The following HTT-AS variants were observed in gnomAD, a reference collection of about 807,000 sequenced individuals.
The protein encoded by HTT-AS is HTT antisense RNA.
intron 2 of HTT-AS, among the ~76,000 whole-genome samples, chr4:3,060,811 A>T (rs752385915): frequency 6.6e-6 from 1 of 152,212 alleles, no homozygotes. Flanking sequence ...CCCCGAGTAG[A>T]GACCAATTTG....
At chr4:3,059,659 G>T (rs967180791) in intron 2 of HTT-AS, among the ~76,000 whole-genome samples, 8 of 149,146 alleles carry the variant, frequency 5.4e-5, no homozygotes, top group African/African-American at 2.0e-4. Context: ...GCCTGATCCC[G>T]GCCCACTGCA....
chr4:3,069,542 A>G (rs61791258), intron 1 of HTT-AS, among the ~76,000 whole-genome samples: 14,130 of 152,204 alleles, frequency 0.093, 1,048 homozygotes, highest in African/African-American at 0.21. Flanking sequence ...TAGGATATAC[A>G]GAAAGACTGA....
At chr4:3,048,604 A>G (rs781602089), downstream of HTT-AS, among the ~76,000 whole-genome samples, 1 of 152,088 alleles carries the variant, frequency 6.6e-6, no homozygotes, top group African/African-American at 2.4e-5. Context: ...ATCTCCCACA[A>G]CTGAATCTCT....
chr4:3,070,291 G>T (rs934192808), intron 1 of HTT-AS: 1 of 145,178 alleles, frequency 6.9e-6, no homozygotes, highest in African/African-American at 2.7e-5. Context: ...TTTCTCTCTC[G>T]CTCTTTTTTT....
intron 1 of HTT-AS, among the ~76,000 whole-genome samples, chr4:3,073,487 C>T (rs1712247750): frequency 6.6e-6 from 1 of 152,250 alleles, no homozygotes; most frequent in African/African-American, 2.4e-5. Flanking sequence ...AAGGTCAGAG[C>T]AGGGGTGCAC....
rs931178898 is a variant in HTT-AS at position 3,061,530 on chromosome 4, A to C, written n.1380+904T>G. On this transcript the variant is annotated intron_variant and non_coding_transcript_variant, in intron 2 of 2. Transcript: ENST00000664062. The stretch of plus-strand genomic sequence containing the variant: ...ACCCTGTCTCTACTAAAAATACAAA[A>C]AATTAGCTGGGCGTGGTGGCGGGCG... Among the ~76,000 whole-genome samples the C allele has an allele frequency of 1.3e-5, 2 of 151,940 alleles. 1 individual carries two copies. Among genetic ancestry groups the C allele is most frequent in the South Asian group, 4.2e-4 (2 of 4,812 alleles).
chr4:3,065,535 C>A (rs1288992230), intron 1 of HTT-AS, among the ~76,000 whole-genome samples: 1 of 152,128 alleles, frequency 6.6e-6, no homozygotes, highest in Non-Finnish European at 1.5e-5. Context: ...TCAACATTAT[C>A]CTTAATACTG....
intron 2 of HTT-AS, among the ~76,000 whole-genome samples, chr4:3,050,142 G>C (rs1017530698): frequency 2.0e-5 from 3 of 152,140 alleles, no homozygotes; most frequent in African/African-American, 7.2e-5. Context: ...GAAGGACAAG[G>C]TGGCCGTCCT....
At chr4:3,074,126 C>T (rs1712308179) in intron 1 of HTT-AS, among the ~76,000 whole-genome samples, 1 of 131,722 alleles carries the variant, frequency 7.6e-6, no homozygotes, top group South Asian at 2.6e-4. Context: ...CCCCCAGCCT[C>T]CCCACCCCTC....
intron 1 of HTT-AS, among the ~76,000 whole-genome samples, chr4:3,071,454 T>C (rs1045697560): frequency 1.3e-5 from 2 of 152,200 alleles, no homozygotes; most frequent in Non-Finnish European, 2.9e-5. Flanking sequence ...TCATTACTTC[T>C]GCTTGCATCT....
chr4:3,049,906 TCACACACACA>T (rs57430954), intron 2 of HTT-AS, among the ~76,000 whole-genome samples: 5,592 of 134,676 alleles, frequency 0.042, 165 homozygotes, highest in African/African-American at 0.081. Flanking sequence ...TTGTAAGTTA[TCACACACACA>T]CACACACACA....
At chr4:3,068,790 G>C (rs1310260661) in intron 1 of HTT-AS, among the ~76,000 whole-genome samples, 1 of 151,962 alleles carries the variant, frequency 6.6e-6, no homozygotes, top group Non-Finnish European at 1.5e-5. Context: ...GAGTAGCTGA[G>C]ATTACAGGTG....
chr4:3,058,720 CT>C (rs57201001), intron 2 of HTT-AS, among the ~76,000 whole-genome samples: 66 of 147,246 alleles, frequency 4.5e-4, no homozygotes, highest in African/African-American at 4.7e-4. Context: ...TTTTACATTT[CT>C]TTTTTTTTTT....
chr4:3,059,677 C>T (rs1286913667), intron 2 of HTT-AS, among the ~76,000 whole-genome samples: 1 of 151,076 alleles, frequency 6.6e-6, no homozygotes, highest in South Asian at 2.1e-4. Flanking sequence ...GCAACCTCCA[C>T]CTCCCTCCTC....
At chr4:3,068,261 G>C (rs1436710262) in intron 1 of HTT-AS, among the ~76,000 whole-genome samples, 18 of 135,746 alleles carry the variant, frequency 1.3e-4, no homozygotes, top group Non-Finnish European at 2.3e-4. Context: ...AGCCGAGATT[G>C]TGCCACTGCA....
chr4:3,065,805 G>A lies in HTT-AS; in HGVS notation n.114-2105C>T, dbSNP rs139939684. On this transcript the variant is annotated intron_variant and non_coding_transcript_variant, in intron 1 of 2. Transcript: ENST00000664062. Reference sequence around the variant, plus strand: ...TCCCAGCTTCACAAGACAGTATTACGTAGCACATCACTAGCCTGGGGAAAG... The same window carrying A: ...TCCCAGCTTCACAAGACAGTATTACATAGCACATCACTAGCCTGGGGAAAG... 8.4e-3 allele frequency among the ~76,000 whole-genome samples: 1,283 copies of A among 152,288 alleles called. 16 individuals are homozygous for A. Among genetic ancestry groups the A allele is most frequent in the African/African-American group, 0.024 (1,005 of 41,564 alleles).
At chr4:3,071,896 A>C (rs1712181348) in intron 1 of HTT-AS, among the ~76,000 whole-genome samples, 1 of 152,132 alleles carries the variant, frequency 6.6e-6, no homozygotes, top group African/African-American at 2.4e-5. Context: ...TCGGACTTCT[A>C]GCCTCTAGGA....
intron 1 of HTT-AS, among the ~76,000 whole-genome samples, chr4:3,074,000 C>G (rs1481623053): frequency 1.3e-5 from 2 of 151,792 alleles, no homozygotes; most frequent in Non-Finnish European, 2.9e-5. Context: ...GCGCTCGGCG[C>G]CCCCTCCACG....
chr4:3,064,597 C>G (rs2110123657), intron 1 of HTT-AS, among the ~76,000 whole-genome samples: 1 of 152,114 alleles, frequency 6.6e-6, no homozygotes, highest in East Asian at 1.9e-4. Context: ...CATAATTTAT[C>G]AAAACTAACC....
Sources: gnomAD v4.1 joint callset for allele counts (sites outside exome capture counted in the v4.1 genomes callset) on GRCh38, gnomAD v4.1.1 for gene constraint, MANE v1.5 for transcripts, NCBI Gene and HGNC (gene_info 2026-07-23, HGNC 2026-07-21) for gene names.